The following SNTG1 variants were observed in gnomAD, a reference collection of about 807,000 sequenced individuals.
SNTG1 encodes the protein syntrophin gamma 1, also known as gamma-1-syntrophin.
A neutral mutation model predicts 74.7 loss-of-function variants in SNTG1; 39 were observed. That is an observed-to-expected ratio of 0.52 (90% CI 0.40 to 0.68). The LOEUF (loss-of-function observed/expected upper bound fraction) is 0.68, where lower values mean the gene tolerates loss of function less well. Among genes scored for constraint, SNTG1 ranks in the 30% least tolerant of loss-of-function variants. The pLI is 0.00. For missense variants in SNTG1, 685 were observed against 609.5 expected (o/e 1.12, Z -1.30); for synonymous variants, 254 against 217.1 (o/e 1.17, Z -1.49).
At chr8:50,776,493 A>G (rs915047546) in intron 18 of SNTG1, among the ~76,000 whole-genome samples, 1 of 147,654 alleles carries the variant, frequency 6.8e-6, no homozygotes, top group Non-Finnish European at 1.5e-5. Context: ...GTTTATATTT[A>G]TAATATATAG....
At chr8:50,280,750 A>T (rs917832471) in intron 2 of SNTG1, among the ~76,000 whole-genome samples, 6 of 152,152 alleles carry the variant, frequency 3.9e-5, no homozygotes, top group Non-Finnish European at 7.4e-5. Context: ...TGTGGAGATA[A>T]ATTGTAGATG....
intron 9 of SNTG1, 27 bp from the exon 10 acceptor site, chr8:50,530,150 G>A: frequency 6.3e-7 from 1 of 1,598,634 alleles, no homozygotes; most frequent in Non-Finnish European, 8.6e-7. Context: ...TCTCACCAGT[G>A]GAATGTTATG....
intron 2 of SNTG1, among the ~76,000 whole-genome samples, chr8:50,376,750 TATATATAGAG>T (rs1173681439): frequency 0.014 from 1,430 of 102,684 alleles, 12 homozygotes; most frequent in Non-Finnish European, 0.021. Flanking sequence ...TATATATATA[TATATATAGAG>T]AGAGAGAGAG....
chr8:50,331,693 T>C (rs897505330), intron 2 of SNTG1, among the ~76,000 whole-genome samples: 1 of 152,130 alleles, frequency 6.6e-6, no homozygotes, highest in East Asian at 1.9e-4. Flanking sequence ...GTAGCTTGAA[T>C]CACATGGTGC....
intron 1 of SNTG1, among the ~76,000 whole-genome samples, chr8:49,992,827 A>G (rs1813818813): frequency 6.6e-6 from 1 of 152,198 alleles, no homozygotes; most frequent in Non-Finnish European, 1.5e-5. Context: ...TCAAAATATA[A>G]TGCTGAAAGC....
At chr8:50,632,764 C>T (rs1324962754) in intron 13 of SNTG1, among the ~76,000 whole-genome samples, 2 of 152,190 alleles carry the variant, frequency 1.3e-5, no homozygotes, top group African/African-American at 2.4e-5. Flanking sequence ...AACCAAAATT[C>T]TGAAGACTGT....
At chr8:50,300,759 G>T (rs1005436172) in intron 2 of SNTG1, among the ~76,000 whole-genome samples, 1 of 152,108 alleles carries the variant, frequency 6.6e-6, no homozygotes, top group African/African-American at 2.4e-5. Flanking sequence ...TTGTAAAGCA[G>T]GTGCTAGCAA....
At chr8:50,090,156 T>C (rs1307264355) in intron 1 of SNTG1, among the ~76,000 whole-genome samples, 1 of 152,194 alleles carries the variant, frequency 6.6e-6, no homozygotes, top group African/African-American at 2.4e-5. Context: ...TTCTTAAATA[T>C]TATAAAATCT....
At chr8:50,247,143 C>T (rs976822699) in intron 2 of SNTG1, among the ~76,000 whole-genome samples, 10 of 152,088 alleles carry the variant, frequency 6.6e-5, no homozygotes, top group South Asian at 4.1e-4. Context: ...CATTAGGGAA[C>T]GAACAAGATG....
At chr8:50,124,789 T>TA (rs1323075179) in intron 1 of SNTG1, among the ~76,000 whole-genome samples, 1 of 141,160 alleles carries the variant, frequency 7.1e-6, no homozygotes. Context: ...AAATTGGCCC[T>TA]AGTAATTGAA....
At chr8:50,691,072 C>T (rs374077605) in intron 15 of SNTG1, among the ~76,000 whole-genome samples, 62 of 152,176 alleles carry the variant, frequency 4.1e-4, no homozygotes, top group African/African-American at 1.5e-3. Context: ...GATTGCAACC[C>T]CTGCCTTTTT....
chr8:50,644,026 G>C (rs561173020), intron 13 of SNTG1: 1 of 152,332 alleles, frequency 6.6e-6, no homozygotes, highest in East Asian at 1.9e-4. Flanking sequence ...CAGCTCAACT[G>C]CAGGGCTCCA....
chr8:50,155,114 A>G (rs1027556245), intron 1 of SNTG1, among the ~76,000 whole-genome samples: 9 of 152,246 alleles, frequency 5.9e-5, no homozygotes, highest in Non-Finnish European at 1.2e-4. Flanking sequence ...CAATTAATAG[A>G]GACCAAATTT....
Position 50,001,653 on chromosome 8 carries a change from A to G in SNTG1, c.-103+89422A>G, listed in dbSNP as rs111405627. Among the ~76,000 whole-genome samples the G allele has an allele frequency of 7.2e-5, 11 of 152,304 alleles. 1 individual carries two copies. Among genetic ancestry groups the G allele is most frequent in the African/African-American group, 2.4e-4 (10 of 41,570 alleles). ...TGTTGTGAAATTAAAGCATTAAGTT[A>G]TCTTGCAGTTCTAAACTTCTGTGAA... On this transcript the variant is annotated intron_variant, in intron 1 of 18. Transcript: ENST00000642720.
chr8:50,752,329 G>T (rs1466861011), intron 18 of SNTG1, among the ~76,000 whole-genome samples: 2 of 151,874 alleles, frequency 1.3e-5, no homozygotes, highest in East Asian at 3.9e-4. Flanking sequence ...AAAACTAATT[G>T]CATTTCTTAG....
intron 13 of SNTG1, among the ~76,000 whole-genome samples, chr8:50,591,129 T>C (rs922735521): frequency 2.0e-5 from 3 of 152,086 alleles, no homozygotes; most frequent in Non-Finnish European, 4.4e-5. Flanking sequence ...AATGTTTATC[T>C]AAGTCAAAAA....
chr8:50,267,493 A>C (rs2087541905), intron 2 of SNTG1, among the ~76,000 whole-genome samples: 1 of 152,164 alleles, frequency 6.6e-6, no homozygotes, highest in Non-Finnish European at 1.5e-5. Context: ...TATAATAATA[A>C]AGTGATAGGC....
chr8:49,946,064 G>C (rs1162448287), intron 1 of SNTG1, among the ~76,000 whole-genome samples: 2 of 151,944 alleles, frequency 1.3e-5, no homozygotes, highest in East Asian at 3.9e-4. Context: ...CCTATTTTTT[G>C]CCAATGACCT....
At chr8:50,666,210 G>T (rs912655321) in intron 15 of SNTG1, among the ~76,000 whole-genome samples, 5 of 152,060 alleles carry the variant, frequency 3.3e-5, no homozygotes, top group Non-Finnish European at 7.4e-5. Context: ...ACCCAAGTGA[G>T]ACACATTTCA....
Sources: gnomAD v4.1 joint callset for allele counts (sites outside exome capture counted in the v4.1 genomes callset) on GRCh38, gnomAD v4.1.1 for gene constraint, MANE v1.5 for transcripts, NCBI Gene and HGNC (gene_info 2026-07-23, HGNC 2026-07-21) for gene names.